ADGRL4: variants seen among roughly 807,000 people sequenced by gnomAD.
ADGRL4 encodes EGF, latrophilin and seven transmembrane domain containing 1.
A neutral mutation model predicts 74.8 loss-of-function variants in ADGRL4; 90 were observed. That is an observed-to-expected ratio of 1.20 (90% CI 1.02 to 1.43). The LOEUF is 1.43. Ranked by LOEUF, ADGRL4 falls within the 40% of genes most tolerant of loss-of-function variation. The pLI, the probability that ADGRL4 is intolerant of heterozygous loss-of-function variation, is 0.00. For missense variants in ADGRL4, 881 were observed against 814.3 expected (o/e 1.08, Z -1.00); for synonymous variants, 311 against 279.2 (o/e 1.11, Z -1.14).
Position 78,998,556 on chromosome 1 carries a change from GA to G in ADGRL4, c.172+6513del, listed in dbSNP as rs1212702637. ...AGCTAATTTTTGTATTTTTAGTAGA[GA>G]CGGGGTTTCACCATGTTTGCCAGGA... On this transcript the variant is annotated intron_variant, in intron 2 of 14. Transcript: ENST00000370742. 4.6e-5 allele frequency among the ~76,000 whole-genome samples: 7 copies of G among 151,920 alleles called. 1 individual carries two copies. Among genetic ancestry groups the G allele is most frequent in the South Asian group, 4.2e-4 (2 of 4,798 alleles).
intron 2 of ADGRL4, among the ~76,000 whole-genome samples, chr1:78,987,602 GGT>G (rs1338901889): frequency 6.6e-6 from 1 of 151,666 alleles, no homozygotes; most frequent in African/African-American, 2.4e-5. Context: ...ATACCATGAT[GGT>G]TATCTAGCTG....
rs188462362 is a variant in ADGRL4, at chr1:78,907,675, G to T, written c.1749+9959C>A. ...TTGAGTTGATATCTGAAAGACAAAT[G>T]AGTGGTAACTAGATGGAGGTATAAA... is the stretch of plus-strand genomic sequence containing the variant. On this transcript the variant is annotated intron_variant, in intron 12 of 14. Transcript: ENST00000370742. 8.5e-5 allele frequency among the ~76,000 whole-genome samples: 13 copies of T among 152,076 alleles called. No homozygotes were observed. In the East Asian group the frequency reaches 2.5e-3, roughly 29 times the overall value.
intron 2 of ADGRL4, among the ~76,000 whole-genome samples, chr1:78,964,323 A>G (rs1357574667): frequency 6.6e-6 from 1 of 152,162 alleles, no homozygotes; most frequent in Non-Finnish European, 1.5e-5. Context: ...TATGTTTAAT[A>G]ACAGCCTTTT....
intron 2 of ADGRL4, among the ~76,000 whole-genome samples, chr1:78,967,156 C>T (rs1439657079): frequency 6.6e-6 from 1 of 152,106 alleles, no homozygotes; most frequent in Non-Finnish European, 1.5e-5. Context: ...ATAAAAACAG[C>T]CTTAAAAATT....
intron 12 of ADGRL4, among the ~76,000 whole-genome samples, chr1:78,914,247 T>C (rs1205365037): frequency 6.6e-6 from 1 of 151,940 alleles, no homozygotes; most frequent in Non-Finnish European, 1.5e-5. Context: ...ATGATATATA[T>C]ACTGATCTCT....
chr1:78,894,571 A>G (rs1648354778), intron 12 of ADGRL4, among the ~76,000 whole-genome samples: 1 of 151,788 alleles, frequency 6.6e-6, no homozygotes. Context: ...TACTCATGAA[A>G]CTGGAATACT....
At position 78,890,027 on chromosome 1, in the gene ADGRL4, C is replaced by T. The variant is rs1197823959; in HGVS notation, c.*1127G>A. ...TCAGAAAATGGATCCACTGTGAAAA[C>T]CTCTACAGTTCTCCATGATTTCTTT... is the stretch of plus-strand genomic sequence containing the variant. On this transcript the variant is annotated 3_prime_UTR_variant, in exon 15 of 15. Transcript: ENST00000370742. 4.9e-6 allele frequency: 1 copy of T among 202,828 alleles called. No homozygotes were observed. Among genetic ancestry groups the T allele is most frequent in the Non-Finnish European group, 1.1e-5 (1 of 90,112 alleles). 12.6% of individuals were successfully genotyped at this position (202,828 alleles called of 1,614,324 possible).
At chr1:78,938,034 A>G (rs758573231) in intron 5 of ADGRL4, 44 bp from the exon 6 acceptor site, 71 of 1,604,560 alleles carry the variant, frequency 4.4e-5, no homozygotes, top group Admixed American at 3.6e-4. Context: ...GGAATCCTAC[A>G]CTATTCACAA....
intron 12 of ADGRL4, among the ~76,000 whole-genome samples, chr1:78,910,548 A>C (rs1296923960): frequency 6.6e-6 from 1 of 151,844 alleles, no homozygotes; most frequent in East Asian, 1.9e-4. Flanking sequence ...TCAATGCTGA[A>C]TGTGTCTAGG....
chr1:78,947,091 T>C (rs76411649), intron 2 of ADGRL4, among the ~76,000 whole-genome samples: 13,563 of 152,242 alleles, frequency 0.089, 800 homozygotes, highest in East Asian at 0.33. Flanking sequence ...TATTATCTGT[T>C]AAATAAATTG....
chr1:78,963,581 G>A (rs1206949605), intron 2 of ADGRL4, among the ~76,000 whole-genome samples: 1 of 152,134 alleles, frequency 6.6e-6, no homozygotes, highest in East Asian at 1.9e-4. Flanking sequence ...ATACCCTCCA[G>A]ATCAAATATG....
At chr1:78,916,919 C>T (rs2100668129) in intron 12 of ADGRL4, among the ~76,000 whole-genome samples, 2 of 151,942 alleles carry the variant, frequency 1.3e-5, no homozygotes, top group South Asian at 4.1e-4. Context: ...AAATGCTCTT[C>T]AGACATACAA....
intron 2 of ADGRL4, among the ~76,000 whole-genome samples, chr1:78,956,535 T>C (rs1649832901): frequency 1.3e-5 from 2 of 152,170 alleles, no homozygotes. Context: ...TAATTTTTGG[T>C]AAGGCAAGAG....
chr1:78,984,276 T>C (rs1197346913), intron 2 of ADGRL4, among the ~76,000 whole-genome samples: 1 of 151,734 alleles, frequency 6.6e-6, no homozygotes, highest in Non-Finnish European at 1.5e-5. Context: ...TAATTAATAT[T>C]GAGGTAGGAG....
chr1:78,890,082 C>T lies in ADGRL4; in HGVS notation c.*1072G>A, dbSNP rs1046203462. ...ACAATAACAATTTTAAATGTGTTTA[C>T]ACATTGTTAACAATAACAATTTTAA... On this transcript the variant is annotated 3_prime_UTR_variant, in exon 15 of 15. Coordinates refer to ENST00000370742, the MANE Select transcript of ADGRL4 (RefSeq NM_022159.4). 5.9e-6 allele frequency: 1 copy of T among 168,256 alleles called. No homozygotes were observed. The highest frequency in any genetic ancestry group is 1.4e-5 in the Non-Finnish European group (1 of 73,738). The allele number at this position is 168,256 out of a possible 1,614,324, so 10.4% of individuals were successfully genotyped here. A position where few individuals can be genotyped will look rare whatever the true frequency, so the allele number is the denominator to read the frequency against.
At chr1:78,895,445 C>A (rs1483870300) in intron 12 of ADGRL4, among the ~76,000 whole-genome samples, 1 of 151,904 alleles carries the variant, frequency 6.6e-6, no homozygotes, top group East Asian at 1.9e-4. Context: ...TATAAATCTA[C>A]AAACTGTGAT....
intron 2 of ADGRL4, among the ~76,000 whole-genome samples, chr1:78,990,336 A>G (rs1650582245): frequency 6.6e-6 from 1 of 151,884 alleles, no homozygotes; most frequent in South Asian, 2.1e-4. Flanking sequence ...ATATGGAATT[A>G]TTAAGGCATT....
At chr1:78,949,609 T>C (rs962589439) in intron 2 of ADGRL4, among the ~76,000 whole-genome samples, 1 of 152,156 alleles carries the variant, frequency 6.6e-6, no homozygotes, top group African/African-American at 2.4e-5. Flanking sequence ...TTAAATTGCC[T>C]TAAACTTTCC....
chr1:78,928,056 G>A (rs1341782258), intron 7 of ADGRL4, among the ~76,000 whole-genome samples: 1 of 151,514 alleles, frequency 6.6e-6, no homozygotes, highest in Non-Finnish European at 1.5e-5. Context: ...GCCTGAGGCA[G>A]GACTTGGATA....
Sources: gnomAD v4.1 joint callset for allele counts (sites outside exome capture counted in the v4.1 genomes callset) on GRCh38, gnomAD v4.1.1 for gene constraint, MANE v1.5 for transcripts, NCBI Gene and HGNC (gene_info 2026-07-23, HGNC 2026-07-21) for gene names.